Variants in C17orf99 observed in about 807,000 individuals in gnomAD.
C17orf99 encodes the protein protein IL-40.
Under a neutral mutation model 22.6 loss-of-function variants are expected in C17orf99, and 18 were observed. The observed-to-expected ratio is 0.80, with a 90% CI of 0.55 to 1.18. The LOEUF is 1.18. Ranked by LOEUF, C17orf99 falls within the 50% of genes most tolerant of loss-of-function variation. The pLI is 0.00. For missense variants in C17orf99, 328 were observed against 342.7 expected, an observed-to-expected ratio of 0.96 and a Z score of 0.34; for synonymous variants, 147 against 136.6, an observed-to-expected ratio of 1.08 and a Z score of -0.53.
Position 78,146,399 on chromosome 17 carries a change from C to T in C17orf99, c.-9C>T. The T allele has an allele frequency of 1.3e-6, 2 of 1,550,350 alleles. No homozygotes were observed. Among genetic ancestry groups the T allele is most frequent in the Non-Finnish European group, 8.7e-7 (1 of 1,146,818 alleles). Reference sequence around the variant, plus strand: ...ACTGCCCGAGCAGAGGCCCTACACCCACCGAGGCATGGGGCTCCCTGGGCT... The same window carrying T: ...ACTGCCCGAGCAGAGGCCCTACACCTACCGAGGCATGGGGCTCCCTGGGCT... On this transcript the variant is annotated 5_prime_UTR_variant, in exon 1 of 5. Coordinates refer to ENST00000340363, the MANE Select transcript of C17orf99 (RefSeq NM_001163075.2). The surrounding 1 kb of genome is among the most constrained non-coding windows in gnomAD (Gnocchi z 5.2).
At position 78,161,266 on chromosome 17, in the gene C17orf99, G is replaced by GA. The variant is rs2075574470; in HGVS notation, c.370+12_370+13insA. 1 of 1,548,672 alleles carries GA rather than the reference G, an allele frequency of 6.5e-7. No homozygotes were observed. The highest frequency in any genetic ancestry group is 8.7e-7 in the Non-Finnish European group (1 of 1,144,620). On this transcript the variant is annotated intron_variant, in intron 3 of 4. Coordinates refer to ENST00000340363, the MANE Select transcript of C17orf99 (RefSeq NM_001163075.2). ...GGAGCTGTGGTCCAGTGAGTGCGGT[G>GA]GGGGGCACAGGGCTGAGGAGGCAGG...
chr17:78,152,610 T>C (rs957992928), intron 2 of C17orf99, among the ~76,000 whole-genome samples: 2 of 151,162 alleles, frequency 1.3e-5, no homozygotes, highest in African/African-American at 2.4e-5. Context: ...GTTAGGATTA[T>C]AGGCATGAGC....
At chr17:78,162,158 C>T (rs1176627208) in intron 3 of C17orf99, among the ~76,000 whole-genome samples, 35 of 151,562 alleles carry the variant, frequency 2.3e-4, no homozygotes, top group Non-Finnish European at 5.9e-5. Context: ...CACCTATAAT[C>T]CCAGCTACTG....
At chr17:78,154,767 G>A (rs1471948015) in intron 2 of C17orf99, among the ~76,000 whole-genome samples, 1 of 152,052 alleles carries the variant, frequency 6.6e-6, no homozygotes, top group African/African-American at 2.4e-5. Context: ...GCTTGAACCT[G>A]GGAAGCGGAG....
At position 78,146,455 on chromosome 17, in the gene C17orf99, C is replaced by A; in HGVS notation, c.37+11C>A. ...GCTTGGCCGTGCTGGGTGAGTCCAC[C>A]AGGGACGTGATGGTGGGGCTGCTGC... On this transcript the variant is annotated intron_variant, in intron 1 of 4. Coordinates refer to ENST00000340363, the MANE Select transcript of C17orf99 (RefSeq NM_001163075.2). The surrounding 1 kb of genome is among the most constrained non-coding windows in gnomAD (Gnocchi z 5.2). 6.5e-7 allele frequency: 1 copy of A among 1,549,658 alleles called. No individual in the cohort carries two copies.
chr17:78,163,120 G>A (rs2075590840), intron 3 of C17orf99, among the ~76,000 whole-genome samples: 1 of 152,206 alleles, frequency 6.6e-6, no homozygotes, highest in South Asian at 2.1e-4. Context: ...CAGGTATGGT[G>A]GTGCATGCCT....
At chr17:78,149,923 A>T (rs970456339) in intron 2 of C17orf99, among the ~76,000 whole-genome samples, 2 of 151,700 alleles carry the variant, frequency 1.3e-5, no homozygotes, top group African/African-American at 4.8e-5. Flanking sequence ...GTTAGCCAGG[A>T]TGGTGTTGAT....
chr17:78,153,439 C>T (rs529935380), intron 2 of C17orf99, among the ~76,000 whole-genome samples: 2 of 151,782 alleles, frequency 1.3e-5, no homozygotes, highest in Admixed American at 6.6e-5. Context: ...GAACCAAGAT[C>T]GTGTCACTGC....
At chr17:78,155,208 G>A (rs933243173) in intron 2 of C17orf99, among the ~76,000 whole-genome samples, 14 of 145,422 alleles carry the variant, frequency 9.6e-5, no homozygotes, top group Non-Finnish European at 2.1e-4. Context: ...AACCAAAAAT[G>A]TCCCCAGACC....
chr17:78,149,006 C>CATGGGATGGGATGGG (rs898075511), intron 2 of C17orf99, among the ~76,000 whole-genome samples: 1 of 151,832 alleles, frequency 6.6e-6, no homozygotes, highest in Non-Finnish European at 1.5e-5. Context: ...TGGCAGATGG[C>CATGGGATGGGATGGG]ATGGGATGGG....
In C17orf99 at chr17:78,166,016, G is replaced by T; in HGVS notation, c.768G>T (p.Glu256Asp). Residue 256 changes from glutamate (E) to aspartate (D), a missense_variant, in exon 5 of 5, where the codon GAG becomes GAT. By Grantham distance (45) the Glu-to-Asp change is conservative. Coordinates refer to ENST00000340363, the MANE Select transcript of C17orf99 (RefSeq NM_001163075.2). ...GGGGGTTCAGGATAGGGAATGGGGA[G>T]GTCAGAGGACGCAAAGCAGCAGCCA... ...EFGGFRIGNG[E>D]VRGRKAAAM The T allele has an allele frequency of 6.9e-7, 1 of 1,441,914 alleles. No homozygotes were observed. The highest frequency in any genetic ancestry group is 9.3e-7 in the Non-Finnish European group (1 of 1,081,048). 89.3% of individuals were successfully genotyped at this position (1,441,914 alleles called of 1,614,324 possible).
upstream of C17orf99, among the ~76,000 whole-genome samples, chr17:78,145,792 CTTTT>C (rs5822229): frequency 7.8e-6 from 1 of 128,898 alleles, no homozygotes; most frequent in Non-Finnish European, 1.6e-5. Flanking sequence ...GCGTGGACAT[CTTTT>C]TTTTTTTTTT....
chr17:78,156,455 C>T (rs1268956923), intron 2 of C17orf99, among the ~76,000 whole-genome samples: 5 of 151,864 alleles, frequency 3.3e-5, no homozygotes, highest in Middle Eastern at 6.8e-3. Flanking sequence ...AGAAGTCACT[C>T]GCAAGCAGAA....
At chr17:78,149,331 C>CAAAAAAAA (rs35155993) in intron 2 of C17orf99, among the ~76,000 whole-genome samples, 2 of 40,990 alleles carry the variant, frequency 4.9e-5, no homozygotes, top group African/African-American at 1.9e-4. Context: ...GACTCTGCCT[C>CAAAAAAAA]AAAAAAAAAA....
intron 4 of C17orf99, chr17:78,165,146 T>C (rs2075608487): frequency 9.9e-7 from 1 of 1,013,478 alleles, no homozygotes; most frequent in Non-Finnish European, 1.2e-6. Context: ...ACCAAGGCCT[T>C]TGTAGTGTCT....
At chr17:78,155,492 G>T (rs978168853) in intron 2 of C17orf99, among the ~76,000 whole-genome samples, 6 of 151,660 alleles carry the variant, frequency 4.0e-5, no homozygotes, top group Non-Finnish European at 8.8e-5. Flanking sequence ...TTTTTCTTTC[G>T]ATTAAATAGA....
chr17:78,161,253 CAGTG>C lies in C17orf99; in HGVS notation c.370+4_370+7del. 6.4e-7 allele frequency: 1 copy of C among 1,551,232 alleles called. No homozygotes were observed. The highest frequency in any genetic ancestry group is 8.7e-7 in the Non-Finnish European group (1 of 1,146,592). On this transcript the variant is annotated splice_donor_variant and splice_donor_region_variant and coding_sequence_variant and intron_variant, in exon 3 of 5. Coordinates refer to ENST00000340363, the MANE Select transcript of C17orf99 (RefSeq NM_001163075.2). LOFTEE classifies it high-confidence loss of function. ...TACAGATGCACTGGGAGCTGTGGTC[CAGTG>C]AGTGCGGTGGGGGGCACAGGGCTGA...
chr17:78,148,219 T>TA (rs34982417), intron 2 of C17orf99, among the ~76,000 whole-genome samples: 47,911 of 140,258 alleles, frequency 0.34, 8,545 homozygotes, highest in Middle Eastern at 0.44. Flanking sequence ...CCCCATCTCT[T>TA]AAAAAAAAAA....
In C17orf99 at chr17:78,164,231, C is replaced by T; in HGVS notation, c.507C>T (p.His169=). 2 of 1,551,612 alleles carry T rather than the reference C, an allele frequency of 1.3e-6. No individual in the cohort carries two copies. Among genetic ancestry groups the T allele is most frequent in the Non-Finnish European group, 1.7e-6 (2 of 1,147,016 alleles). ...NSLIGKDGQV[H]LQQRPCHRQP... is the part of the protein sequence containing the mutation. ...TGATCGGGAAGGATGGGCAGGTCCACCTGCAGCAGAGACCATGCCACAGGC... is the reference window on the plus strand; with the variant it reads ...TGATCGGGAAGGATGGGCAGGTCCATCTGCAGCAGAGACCATGCCACAGGC... Residue 169 remains histidine (H), a synonymous_variant, in exon 4 of 5, where the codon CAC becomes CAT. Coordinates refer to ENST00000340363, the MANE Select transcript of C17orf99 (RefSeq NM_001163075.2).
Sources: gnomAD v4.1 joint callset for allele counts (sites outside exome capture counted in the v4.1 genomes callset) on GRCh38, gnomAD v4.1.1 for gene constraint, Gnocchi (gnomAD v3.1) non-coding constraint, MANE v1.5 for transcripts, NCBI Gene and HGNC (gene_info 2026-07-23, HGNC 2026-07-21) for gene names.